The following EVI5 variants were observed in gnomAD, a reference collection of about 807,000 sequenced individuals.
EVI5 encodes ecotropic viral integration site 5.
Under a neutral mutation model 112.0 loss-of-function variants are expected in EVI5, and 73 were observed. The observed-to-expected ratio is 0.65, with a 90% CI of 0.54 to 0.79. EVI5 has a LOEUF of 0.79. Among genes scored for constraint, EVI5 ranks in the 30% least tolerant of loss-of-function variants. EVI5 has a pLI of 0.00. For missense variants in EVI5, 900 were observed against 968.8 expected (o/e 0.93, Z 0.94); for synonymous variants, 305 against 319.9 (o/e 0.95, Z 0.50).
In EVI5 at chr1:92,784,778, A is replaced by G. The variant is rs2103129319; in HGVS notation, c.-82+58T>C. On this transcript the variant is annotated intron_variant, in intron 1 of 19. Coordinates refer to ENST00000684568, the MANE Select transcript of EVI5 (RefSeq NM_001350197.2). ...CGGCCCAGCTGTGCGCCAGCGGAAC[A>G]CGGACTCACCGCCCGCCCGGCCTCC... is the stretch of plus-strand genomic sequence containing the variant. 4 of 975,784 alleles carry G rather than the reference A, an allele frequency of 4.1e-6. No homozygotes were observed. The East Asian group carries it at 3.4e-4, about 84-fold the overall frequency. 60.4% of individuals were successfully genotyped at this position (975,784 alleles called of 1,614,324 possible). A position where few individuals can be genotyped will look rare whatever the true frequency, so the allele number is the denominator to read the frequency against.
intron 19 of EVI5, among the ~76,000 whole-genome samples, chr1:92,514,268 C>T (rs1276242368): frequency 1.3e-5 from 2 of 152,128 alleles, no homozygotes; most frequent in African/African-American, 4.8e-5. Flanking sequence ...ATTCTCCCAC[C>T]TCAGCCTCCT....
chr1:92,732,255 AT>A (rs1027715153), intron 2 of EVI5: 4 of 333,938 alleles, frequency 1.2e-5, no homozygotes, highest in Middle Eastern at 5.1e-4. Context: ...TGTGAGAATA[AT>A]TTTTGCCTGA....
Position 92,510,252 on chromosome 1 carries a change from T to A in EVI5, c.*3404A>T, listed in dbSNP as rs1346423187. 6.6e-6 allele frequency: 1 copy of A among 152,218 alleles called. No individual in the cohort carries two copies. The highest frequency in any genetic ancestry group is 1.5e-5 in the Non-Finnish European group (1 of 68,046). The allele number at this position is 152,218 out of a possible 1,614,324, so 9.4% of individuals were successfully genotyped here. A position where few individuals can be genotyped will look rare whatever the true frequency, so the allele number is the denominator to read the frequency against. Reference sequence around the variant, plus strand: ...AAACATGATTCTAGAAAATTTCTTATCTTAAAGTCAAACTATAACCTTTAC... The same window carrying A: ...AAACATGATTCTAGAAAATTTCTTAACTTAAAGTCAAACTATAACCTTTAC... On this transcript the variant is annotated 3_prime_UTR_variant, in exon 20 of 20. Transcript: ENST00000684568.
intron 1 of EVI5, among the ~76,000 whole-genome samples, chr1:92,791,580 T>A (rs1686093408): frequency 6.6e-6 from 1 of 152,184 alleles, no homozygotes; most frequent in South Asian, 2.1e-4. Flanking sequence ...CTGCTAATAG[T>A]CTGGCTTTTA....
chr1:92,754,042 C>A (rs959900220), intron 1 of EVI5, among the ~76,000 whole-genome samples: 1 of 152,166 alleles, frequency 6.6e-6, no homozygotes, highest in Non-Finnish European at 1.5e-5. Context: ...GTAAAAGCCA[C>A]ATGCCATAAC....
chr1:92,693,978 T>C, intron 8 of EVI5, 79 bp from the exon 9 acceptor site: 1 of 912,362 alleles, frequency 1.1e-6, no homozygotes. Flanking sequence ...CAAGAAATTA[T>C]GGGCTGGGCG....
intron 13 of EVI5, among the ~76,000 whole-genome samples, chr1:92,652,656 C>A (rs1177930899): frequency 6.6e-6 from 1 of 152,170 alleles, no homozygotes; most frequent in Non-Finnish European, 1.5e-5. Flanking sequence ...CATCAACAGA[C>A]AAACGGATAA....
intron 18 of EVI5, among the ~76,000 whole-genome samples, chr1:92,596,811 T>C (rs1471189302): frequency 1.3e-5 from 2 of 152,150 alleles, no homozygotes; most frequent in Admixed American, 1.3e-4. Flanking sequence ...AAGGGATATA[T>C]ATTCAGTATC....
At chr1:92,539,099 C>T (rs1664355496) in intron 19 of EVI5, among the ~76,000 whole-genome samples, 4 of 152,150 alleles carry the variant, frequency 2.6e-5, no homozygotes, top group Admixed American at 2.6e-4. Flanking sequence ...ACAATAAGAG[C>T]ACTTATTTAG....
chr1:92,780,770 G>A (rs1256866037), intron 1 of EVI5, among the ~76,000 whole-genome samples: 2 of 151,992 alleles, frequency 1.3e-5, no homozygotes, highest in African/African-American at 4.8e-5. Flanking sequence ...ACTTTGGGAG[G>A]TCAAAGCAGG....
chr1:92,788,785 C>T (rs895425533), upstream of EVI5, among the ~76,000 whole-genome samples: 5 of 151,968 alleles, frequency 3.3e-5, no homozygotes, highest in African/African-American at 1.2e-4. Context: ...CAGAGCAAGA[C>T]TCTGTCTCAA....
chr1:92,557,245 T>C (rs1667814739), intron 19 of EVI5, among the ~76,000 whole-genome samples: 2 of 152,092 alleles, frequency 1.3e-5, no homozygotes, highest in South Asian at 2.1e-4. Context: ...CTTTTTTTTT[T>C]CCAGCTTTAT....
At chr1:92,580,574 C>T (rs1036432371) in intron 18 of EVI5, 2 of 185,340 alleles carry the variant, frequency 1.1e-5, no homozygotes, top group Non-Finnish European at 2.5e-5. Context: ...CGTTCATCAC[C>T]AAAGTCATTA....
chr1:92,661,770 G>A (rs1189664425), intron 13 of EVI5, among the ~76,000 whole-genome samples: 1 of 151,108 alleles, frequency 6.6e-6, no homozygotes, highest in East Asian at 1.9e-4. Context: ...TTTTTGTACC[G>A]AGATGACGAT....
chr1:92,765,996 G>A (rs1682573928), intron 1 of EVI5, among the ~76,000 whole-genome samples: 1 of 151,468 alleles, frequency 6.6e-6, no homozygotes, highest in African/African-American at 2.4e-5. Context: ...AGTGTCAGAT[G>A]TCTGACACTT....
intron 19 of EVI5, among the ~76,000 whole-genome samples, chr1:92,520,863 A>G (rs1328510316): frequency 6.6e-6 from 1 of 152,074 alleles, no homozygotes; most frequent in Non-Finnish European, 1.5e-5. Context: ...AAAAAAAAAA[A>G]AAAAGAAATT....
intron 18 of EVI5, among the ~76,000 whole-genome samples, chr1:92,576,056 G>C (rs1207378661): frequency 6.6e-6 from 1 of 152,108 alleles, no homozygotes; most frequent in Non-Finnish European, 1.5e-5. Flanking sequence ...GCATATTTAA[G>C]GGTTGGGTAA....
intron 2 of EVI5, 124 bp downstream of exon 2, chr1:92,736,274 C>T (rs908929273): frequency 3.2e-6 from 2 of 632,178 alleles, no homozygotes; most frequent in African/African-American, 1.8e-5. Context: ...AAAAGATGAA[C>T]ACTTCTGTAA....
rs1664816092 is a variant in EVI5, at chr1:92,665,971, G to A, written c.1180C>T (p.Leu394Phe). 19 of 1,607,308 alleles carry A rather than the reference G, an allele frequency of 1.2e-5. No individual in the cohort carries two copies. Among genetic ancestry groups the A allele is most frequent in the Non-Finnish European group, 1.5e-5 (18 of 1,177,584 alleles). The change falls in exon 11 of 20, where the codon CTT becomes TTT. Residue 394 changes from leucine to phenylalanine, a missense_variant. Transcript: ENST00000684568. Reference protein sequence around the residue: ...EIKRLRTENRLLKQRIETLEK... With the variant: ...EIKRLRTENRFLKQRIETLEK... ...AATGTCTCGATGCGCTGTTTTAAAAGTCTATTTTCTGTGCGTAACCTCTGC... is the reference window on the plus strand; with the variant it reads ...AATGTCTCGATGCGCTGTTTTAAAAATCTATTTTCTGTGCGTAACCTCTGC...
Sources: gnomAD v4.1 joint callset for allele counts (sites outside exome capture counted in the v4.1 genomes callset) on GRCh38, gnomAD v4.1.1 for gene constraint, MANE v1.5 for transcripts, NCBI Gene and HGNC (gene_info 2026-07-23, HGNC 2026-07-21) for gene names.